The following QSER1 variants were observed in gnomAD, a reference collection of about 807,000 sequenced individuals.
QSER1 encodes the protein glutamine and serine-rich protein 1.
Under a neutral mutation model 158.5 loss-of-function variants are expected in QSER1, and 49 were observed. The observed-to-expected ratio is 0.31, with a 90% CI of 0.25 to 0.39. The LOEUF (loss-of-function observed/expected upper bound fraction) is 0.39. Ranked by LOEUF, QSER1 falls within the 10% of genes least tolerant of loss-of-function variation. QSER1 has a pLI of 1.00. For missense variants in QSER1, 1,754 were observed against 2,010.3 expected (o/e 0.87, Z 2.44); for synonymous variants, 650 against 715.5 (o/e 0.91, Z 1.46).
At chr11:32,906,569 C>T (rs1386666823) in intron 1 of QSER1, among the ~76,000 whole-genome samples, 5 of 151,886 alleles carry the variant, frequency 3.3e-5, no homozygotes, top group Admixed American at 6.6e-5. Flanking sequence ...TGGCTAAATT[C>T]GGGTATATTT....
chr11:32,902,841 G>A (rs1197518321), intron 1 of QSER1, among the ~76,000 whole-genome samples: 1 of 152,144 alleles, frequency 6.6e-6, no homozygotes, highest in Non-Finnish European at 1.5e-5. Context: ...CTAGAATGTA[G>A]GTACTATTGT....
At chr11:32,895,802 C>T (rs1851546776) in intron 1 of QSER1, among the ~76,000 whole-genome samples, 1 of 152,174 alleles carries the variant, frequency 6.6e-6, no homozygotes, top group African/African-American at 2.4e-5. Context: ...TCATTTTCAT[C>T]AGTTGATGGG....
chr11:32,952,947 C>G (rs969327243), intron 4 of QSER1, among the ~76,000 whole-genome samples: 1 of 151,508 alleles, frequency 6.6e-6, no homozygotes, highest in African/African-American at 2.4e-5. Context: ...GGATTAAAGG[C>G]GCGCACCACC....
chr11:32,923,659 C>T (rs1388624281), intron 1 of QSER1, among the ~76,000 whole-genome samples: 1 of 118,424 alleles, frequency 8.4e-6, no homozygotes, highest in Non-Finnish European at 1.7e-5. Context: ...GCCTGGGCAA[C>T]AGAGTGAGAC....
chr11:32,963,071 CAG>C (rs1852655927), intron 8 of QSER1, among the ~76,000 whole-genome samples: 6 of 152,264 alleles, frequency 3.9e-5, no homozygotes, highest in Admixed American at 3.3e-4. Context: ...TTTCATCACA[CAG>C]AATATTAAAA....
intron 4 of QSER1, among the ~76,000 whole-genome samples, chr11:32,938,713 G>A (rs1333196672): frequency 2.0e-5 from 3 of 152,086 alleles, no homozygotes; most frequent in Non-Finnish European, 1.5e-5. Context: ...TTATTCAGAT[G>A]CCTAAAGGGC....
chr11:32,931,479 G>A (rs1852045059), intron 3 of QSER1, among the ~76,000 whole-genome samples: 1 of 152,010 alleles, frequency 6.6e-6, no homozygotes, highest in Non-Finnish European at 1.5e-5. Flanking sequence ...TTGGGACACT[G>A]CGGCTGCAGT....
intron 4 of QSER1, among the ~76,000 whole-genome samples, chr11:32,941,478 G>A (rs1273714203): frequency 1.3e-5 from 2 of 148,268 alleles, no homozygotes; most frequent in Admixed American, 6.9e-5. Flanking sequence ...GAGAATATGC[G>A]GTGTTTGGTT....
chr11:32,923,534 C>T (rs934687987), intron 1 of QSER1, among the ~76,000 whole-genome samples: 1 of 152,020 alleles, frequency 6.6e-6, no homozygotes, highest in African/African-American at 2.4e-5. Flanking sequence ...AAAAATTAGC[C>T]TGGCGCAGTG....
Position 32,935,295 on chromosome 11 carries a change from A to T in QSER1, c.4037A>T (p.Asp1346Val). The T allele has an allele frequency of 6.2e-7, 1 of 1,614,040 alleles. No individual in the cohort carries two copies. Among genetic ancestry groups the T allele is most frequent in the Non-Finnish European group, 8.5e-7 (1 of 1,179,932 alleles). ...GGTAACAGTCCATCAGATAAAGTTG[A>T]TAATGAACTTAAAAACTTGGAACAT... is the stretch of plus-strand genomic sequence containing the variant. ...TGGNSPSDKV[D>V]NELKNLEHLS... is the part of the protein sequence containing the mutation. Residue 1346 changes from aspartate (D) to valine (V), a missense_variant, in exon 4 of 13, where the codon GAT (aspartate) becomes GTT (valine). Around this residue, in one of 2 missense-constraint regions of QSER1, gnomAD observed 1,707 missense variants for 1,919.6 expected, o/e 0.89. Coordinates refer to ENST00000650167, the MANE Select transcript of QSER1 (RefSeq NM_001076786.3).
At chr11:32,973,346 T>A (rs1225670729) in intron 10 of QSER1, 51 bp from the exon 11 acceptor site, 1 of 1,593,898 alleles carries the variant, frequency 6.3e-7, no homozygotes. Flanking sequence ...CTAGAAGTAG[T>A]TTAGGTTAGT....
In QSER1 at chr11:32,974,990, GTTTATTGTTTAAATTTTCCTATAA is replaced by G. The variant is rs542454650; in HGVS notation, c.5359-256_5359-233del. Among the ~76,000 whole-genome samples the G allele has an allele frequency of 9.2e-5, 14 of 152,112 alleles. No homozygotes were observed. The East Asian group carries it at 2.3e-3, about 25-fold the overall frequency. On this transcript the variant is annotated intron_variant, in intron 11 of 12. Transcript: ENST00000650167. Reference sequence around the variant, plus strand: ...TTTTATTTTATAAATCATCTCATATGTTTATTGTTTAAATTTTCCTATAATGCTTAAGTTTTTTCAATAATGCAT... The same window carrying G: ...TTTTATTTTATAAATCATCTCATATGTGCTTAAGTTTTTTCAATAATGCAT...
intron 1 of QSER1, among the ~76,000 whole-genome samples, chr11:32,919,995 C>T (rs969718207): frequency 1.3e-5 from 2 of 152,082 alleles, no homozygotes; most frequent in African/African-American, 4.8e-5. Context: ...TTCTTACTTT[C>T]TGGCACTACA....
rs375786728 is a variant in QSER1, at chr11:32,934,622, G to C, written c.3364G>C (p.Ala1122Pro). ...TNLESEEDSE[A>P]PVDSTLNNNR... is the part of the protein sequence containing the mutation. ...TCTTGAATCTGAAGAAGACAGTGAA[G>C]CTCCTGTTGATAGTACATTAAATAA... The change falls in exon 4 of 13, where the codon GCT becomes CCT. Residue 1122 changes from alanine (A) to proline (P), a missense_variant. Coordinates refer to ENST00000650167, the MANE Select transcript of QSER1 (RefSeq NM_001076786.3). 1 of 1,613,698 alleles carries C rather than the reference G, an allele frequency of 6.2e-7. No homozygotes were observed. Among genetic ancestry groups the C allele is most frequent in the Non-Finnish European group, 8.5e-7 (1 of 1,179,942 alleles).
chr11:32,931,841 A>G lies in QSER1; in HGVS notation c.583A>G (p.Thr195Ala). The change falls in exon 4 of 13, where the codon ACC (threonine) becomes GCC (alanine). Residue 195 changes from threonine to alanine, a missense_variant. Around this residue, in one of 2 missense-constraint regions of QSER1, gnomAD observed 1,707 missense variants for 1,919.6 expected, o/e 0.89. Coordinates refer to ENST00000650167, the MANE Select transcript of QSER1 (RefSeq NM_001076786.3). Reference protein sequence around the residue: ...PSLSAYQHPTTFSNRNFATTS... With the variant: ...PSLSAYQHPTAFSNRNFATTS... ...TCTCTCTGCTTATCAGCATCCCACC[A>G]CCTTCAGCAATAGAAACTTTGCTAC... is the stretch of plus-strand genomic sequence containing the variant. 1 of 1,614,098 alleles carries G rather than the reference A, an allele frequency of 6.2e-7. No homozygotes were observed.
chr11:32,926,595 T>C (rs914188611), intron 1 of QSER1: 4 of 152,180 alleles, frequency 2.6e-5, no homozygotes, highest in Non-Finnish European at 5.9e-5. Context: ...ACCTTTCCTT[T>C]CCAAGAAGAG....
chr11:32,907,889 C>T (rs569632741), intron 1 of QSER1, among the ~76,000 whole-genome samples: 3 of 152,228 alleles, frequency 2.0e-5, no homozygotes, highest in African/African-American at 7.2e-5. Flanking sequence ...CCCTTGAGCC[C>T]AGTAGTATGA....
chr11:32,907,971 G>A (rs1249509265), intron 1 of QSER1, among the ~76,000 whole-genome samples: 1 of 152,128 alleles, frequency 6.6e-6, no homozygotes, highest in Non-Finnish European at 1.5e-5. Flanking sequence ...ATGGTGGCAT[G>A]CATCTGGAGT....
At position 32,932,433 on chromosome 11, in the gene QSER1, C is replaced by T. The variant is rs1564933710; in HGVS notation, c.1175C>T (p.Ser392Phe). The change falls in exon 4 of 13, where the codon TCT becomes TTT. Residue 392 changes from serine to phenylalanine, a missense_variant. Ser to Phe is a radical substitution (Grantham distance 155, BLOSUM62 -2). This residue lies in a region of QSER1 where 1,707 missense variants were observed against 1,919.6 expected (regional missense o/e 0.89). Transcript: ENST00000650167. The part of the protein sequence containing the change: ...TSQVSVELAQ[S>F]YSSAIPSSGY... ...CAGGTCTCAGTGGAACTTGCTCAGTCTTACTCATCTGCGATTCCATCATCA... is the reference window on the plus strand; with the variant it reads ...CAGGTCTCAGTGGAACTTGCTCAGTTTTACTCATCTGCGATTCCATCATCA... The T allele has an allele frequency of 6.2e-7, 1 of 1,613,184 alleles. No homozygotes were observed. Among genetic ancestry groups the T allele is most frequent in the Non-Finnish European group, 8.5e-7 (1 of 1,179,972 alleles).
Sources: gnomAD v4.1 joint callset for allele counts (sites outside exome capture counted in the v4.1 genomes callset) on GRCh38, gnomAD v4.1.1 for gene constraint, gnomAD v4.1.1 regional missense constraint, MANE v1.5 for transcripts, NCBI Gene and HGNC (gene_info 2026-07-23, HGNC 2026-07-21) for gene names.